PRDM16: variants seen among roughly 807,000 people sequenced by gnomAD.
The protein encoded by PRDM16 is histone-lysine N-methyltransferase PRDM16.
Under a neutral mutation model 110.6 loss-of-function variants are expected in PRDM16, and 23 were observed. That is an observed-to-expected ratio of 0.21 (90% CI 0.15 to 0.29). The LOEUF (loss-of-function observed/expected upper bound fraction) is 0.29, where lower values mean the gene tolerates loss of function less well. Ranked by LOEUF, PRDM16 falls within the 10% of genes least tolerant of loss-of-function variation. PRDM16 has a pLI of 1.00. For synonymous variants in PRDM16, 799 were observed against 781.8 expected (o/e 1.02, Z -0.37); for missense variants, 1,615 against 1,794.3 (o/e 0.90, Z 1.81).
intron 5 of PRDM16, among the ~76,000 whole-genome samples, chr1:3,398,630 G>A (rs150145134): frequency 3.3e-5 from 5 of 152,282 alleles, no homozygotes; most frequent in East Asian, 3.9e-4. Flanking sequence ...TCGGCTCTCC[G>A]GGGCCATTAG....
chr1:3,392,887 G>C (rs531260113), intron 4 of PRDM16, among the ~76,000 whole-genome samples: 3 of 152,294 alleles, frequency 2.0e-5, no homozygotes, highest in African/African-American at 7.2e-5. Context: ...CTTTGTGTCT[G>C]GAAAGTGATA....
intron 1 of PRDM16, among the ~76,000 whole-genome samples, chr1:3,079,974 C>A (rs151013107): frequency 2.6e-5 from 4 of 152,366 alleles, no homozygotes; most frequent in African/African-American, 7.2e-5. Context: ...AGTTGGTTGC[C>A]TCAGTAGCGC....
At chr1:3,430,401 G>A (rs1638732704) in intron 14 of PRDM16, among the ~76,000 whole-genome samples, 1 of 152,202 alleles carries the variant, frequency 6.6e-6, no homozygotes, top group Non-Finnish European at 1.5e-5. Context: ...TCACTCTCCA[G>A]ATCCCAGAGA....
chr1:3,166,716 G>A (rs1003352825), intron 1 of PRDM16, among the ~76,000 whole-genome samples: 2 of 152,176 alleles, frequency 1.3e-5, no homozygotes, highest in African/African-American at 4.8e-5. Flanking sequence ...GGGAACCACA[G>A]CGCGGCCTGG....
intron 1 of PRDM16, among the ~76,000 whole-genome samples, chr1:3,083,610 T>G (rs1570219568): frequency 7.2e-6 from 1 of 139,508 alleles, no homozygotes; most frequent in African/African-American, 2.6e-5. Context: ...GAGGCGGGTG[T>G]CAGCTTCATG....
intron 4 of PRDM16, among the ~76,000 whole-genome samples, chr1:3,394,031 C>T (rs984310696): frequency 3.9e-5 from 6 of 152,242 alleles, no homozygotes; most frequent in Non-Finnish European, 7.4e-5. Context: ...GCAGTGTCCG[C>T]GCCGGAGGGG....
intron 1 of PRDM16, among the ~76,000 whole-genome samples, chr1:3,116,136 G>C (rs1037862323): frequency 6.6e-6 from 1 of 152,188 alleles, no homozygotes; most frequent in Non-Finnish European, 1.5e-5. Flanking sequence ...CAGGCCTAGC[G>C]TGGGTGGTCA....
chr1:3,346,722 T>C (rs957316685), intron 3 of PRDM16, among the ~76,000 whole-genome samples: 1 of 152,152 alleles, frequency 6.6e-6, no homozygotes, highest in African/African-American at 2.4e-5. Flanking sequence ...GGGTCACTTC[T>C]GGTGCCCAAC....
At chr1:3,352,974 C>A (rs998469379) in intron 3 of PRDM16, among the ~76,000 whole-genome samples, 4 of 152,226 alleles carry the variant, frequency 2.6e-5, no homozygotes, top group African/African-American at 7.2e-5. Flanking sequence ...CTTCGGGGCC[C>A]ATGCGTGGCC....
intron 3 of PRDM16, among the ~76,000 whole-genome samples, chr1:3,267,844 C>T (rs1640332154): frequency 6.6e-6 from 1 of 152,206 alleles, no homozygotes; most frequent in African/African-American, 2.4e-5. Flanking sequence ...GGAAGCCTCC[C>T]TGGTTCACAG....
At chr1:3,365,446 T>C (rs1023524779) in intron 3 of PRDM16, among the ~76,000 whole-genome samples, 3 of 152,124 alleles carry the variant, frequency 2.0e-5, no homozygotes, top group Admixed American at 2.0e-4. Context: ...CCAATACAAG[T>C]GCTCCCTCCC....
chr1:3,232,347 C>G (rs943108901), intron 2 of PRDM16, among the ~76,000 whole-genome samples: 1 of 152,226 alleles, frequency 6.6e-6, no homozygotes, highest in African/African-American at 2.4e-5. Context: ...AACCTAACCT[C>G]TCTGAGCCTC....
At chr1:3,072,556 G>A (rs1168808022) in intron 1 of PRDM16, among the ~76,000 whole-genome samples, 1 of 152,220 alleles carries the variant, frequency 6.6e-6, no homozygotes, top group Non-Finnish European at 1.5e-5. Context: ...AGGTGTGCTG[G>A]AGACAGGGTA....
In PRDM16 at chr1:3,425,915, C is replaced by T; in HGVS notation, c.3110-136C>T. ...CTCAAACCGTGGTCATTAAAGAGAA[C>T]CTCGTGCTCTCCGGTGTCCCTAAGA... On this transcript the variant is annotated intron_variant, in intron 13 of 16. Coordinates refer to ENST00000270722, the MANE Select transcript of PRDM16 (RefSeq NM_022114.4). This position sits in a 1 kb window ranked among gnomAD's most constrained non-coding sequence, Gnocchi z 6.9. The T allele has an allele frequency of 8.0e-7, 1 of 1,245,848 alleles. No individual in the cohort carries two copies. The highest frequency in any genetic ancestry group is 1.5e-5 in the South Asian group (1 of 66,828). The allele number at this position is 1,245,848 out of a possible 1,614,324, so 77.2% of individuals were successfully genotyped here.
At chr1:3,330,176 G>T (rs931224036) in intron 3 of PRDM16, among the ~76,000 whole-genome samples, 42 of 152,220 alleles carry the variant, frequency 2.8e-4, no homozygotes, top group African/African-American at 9.6e-4. Context: ...CTCTCGCCTG[G>T]CCAGAGCCGA....
At chr1:3,181,749 TAC>T (rs1411305005) in intron 1 of PRDM16, among the ~76,000 whole-genome samples, 3 of 133,034 alleles carry the variant, frequency 2.3e-5, no homozygotes, top group Admixed American at 7.7e-5. Context: ...CACGGAGTCT[TAC>T]ACACGGTCTT....
At chr1:3,273,233 A>G (rs1640498957) in intron 3 of PRDM16, among the ~76,000 whole-genome samples, 1 of 152,176 alleles carries the variant, frequency 6.6e-6, no homozygotes, top group Middle Eastern at 3.2e-3. Flanking sequence ...TTTGTTGGGT[A>G]TGGGGAGGCT....
chr1:3,168,623 G>A (rs1338638025), intron 1 of PRDM16, among the ~76,000 whole-genome samples: 1 of 127,242 alleles, frequency 7.9e-6, no homozygotes, highest in Non-Finnish European at 1.6e-5. Flanking sequence ...AGATCAGACC[G>A]AAATACAGAT....
chr1:3,225,573 T>TGTGTGTGTGCGCGCGCGC (rs1336272072), intron 2 of PRDM16, among the ~76,000 whole-genome samples: 2 of 129,804 alleles, frequency 1.5e-5, no homozygotes, highest in African/African-American at 5.3e-5. Flanking sequence ...TGTGTGTGTG[T>TGTGTGTGTGCGCGCGCGC]GCGCGCGCGC....
Sources: gnomAD v4.1 joint callset for allele counts (sites outside exome capture counted in the v4.1 genomes callset) on GRCh38, gnomAD v4.1.1 for gene constraint, Gnocchi (gnomAD v3.1) non-coding constraint, MANE v1.5 for transcripts, NCBI Gene and HGNC (gene_info 2026-07-23, HGNC 2026-07-21) for gene names.